The following MTHFD2L variants were observed in gnomAD, a reference collection of about 807,000 sequenced individuals.
The protein encoded by MTHFD2L is bifunctional methylenetetrahydrofolate dehydrogenase/cyclohydrolase 2, mitochondrial.
MTHFD2L carries 29 observed loss-of-function variants against 34.9 expected under a neutral mutation model. The observed-to-expected ratio is 0.83, with a 90% CI of 0.62 to 1.13. MTHFD2L has a LOEUF of 1.13. Ranked by LOEUF, MTHFD2L falls within the 50% of genes most tolerant of loss-of-function variation. The pLI is 0.00. For synonymous variants in MTHFD2L, 167 were observed against 155.7 expected, an observed-to-expected ratio of 1.07 and a Z score of -0.54; for missense variants, 481 against 446.5, an observed-to-expected ratio of 1.08 and a Z score of -0.70.
At chr4:74,144,331 T>C (rs1451748105) in intron 1 of MTHFD2L, among the ~76,000 whole-genome samples, 1 of 152,138 alleles carries the variant, frequency 6.6e-6, no homozygotes, top group Non-Finnish European at 1.5e-5. Context: ...CAGGCGCCTG[T>C]AGTCCCAGCT....
chr4:74,146,811 T>C (rs2109847292), intron 1 of MTHFD2L, among the ~76,000 whole-genome samples: 1 of 152,296 alleles, frequency 6.6e-6, no homozygotes, highest in Admixed American at 6.5e-5. Context: ...TTATATCTTA[T>C]AGGCAATCTT....
At chr4:74,178,008 A>G (rs1161670045) in intron 3 of MTHFD2L, among the ~76,000 whole-genome samples, 2 of 151,998 alleles carry the variant, frequency 1.3e-5, no homozygotes, top group African/African-American at 4.8e-5. Flanking sequence ...ACAAAAAGAA[A>G]AACCTGCATG....
At chr4:74,168,158 G>C (rs1432285402) in intron 1 of MTHFD2L, among the ~76,000 whole-genome samples, 1 of 152,118 alleles carries the variant, frequency 6.6e-6, no homozygotes. Flanking sequence ...TCTCTAAATG[G>C]CTTCGTGTCT....
intron 1 of MTHFD2L, among the ~76,000 whole-genome samples, chr4:74,167,881 T>C (rs1366181037): frequency 1.3e-5 from 2 of 152,146 alleles, no homozygotes; most frequent in Non-Finnish European, 2.9e-5. Flanking sequence ...AGGTCAGAAA[T>C]GTTAGAGTCA....
intron 7 of MTHFD2L, among the ~76,000 whole-genome samples, chr4:74,289,012 A>AT (rs1045148007): frequency 1.6e-4 from 24 of 152,140 alleles, no homozygotes; most frequent in Non-Finnish European, 3.5e-4. Context: ...AATTAGGTTC[A>AT]TTCATTTAGT....
intron 5 of MTHFD2L, among the ~76,000 whole-genome samples, chr4:74,203,313 C>G: frequency 6.6e-6 from 1 of 152,126 alleles, no homozygotes; most frequent in Non-Finnish European, 1.5e-5. Flanking sequence ...CTAGCTTAGT[C>G]TATTGCTGCT....
At chr4:74,295,630 A>T (rs1260230584) in intron 7 of MTHFD2L, among the ~76,000 whole-genome samples, 1 of 152,174 alleles carries the variant, frequency 6.6e-6, no homozygotes, top group Non-Finnish European at 1.5e-5. Context: ...AAATACTTTA[A>T]TCATTTCTTT....
At chr4:74,268,512 G>A (rs942552514) in intron 6 of MTHFD2L, among the ~76,000 whole-genome samples, 1 of 151,966 alleles carries the variant, frequency 6.6e-6, no homozygotes, top group African/African-American at 2.4e-5. Flanking sequence ...CTGTGAATGA[G>A]GATAATGGGT....
At chr4:74,130,634 T>C (rs889002960) in intron 1 of MTHFD2L, among the ~76,000 whole-genome samples, 2 of 152,308 alleles carry the variant, frequency 1.3e-5, no homozygotes, top group East Asian at 3.9e-4. Flanking sequence ...AATATCATAC[T>C]GATTGGGCAA....
intron 6 of MTHFD2L, among the ~76,000 whole-genome samples, chr4:74,236,904 G>GT (rs535617952): frequency 5.5e-4 from 83 of 151,274 alleles, no homozygotes; most frequent in South Asian, 3.6e-3. Context: ...CTCTTTTTAG[G>GT]TTTTTTTTTA....
intron 5 of MTHFD2L, among the ~76,000 whole-genome samples, chr4:74,218,363 C>G (rs1218532268): frequency 6.6e-6 from 1 of 152,044 alleles, no homozygotes; most frequent in Non-Finnish European, 1.5e-5. Context: ...CATTGCCAGT[C>G]TTACCGGGAA....
chr4:74,149,291 T>C (rs1434808196), intron 1 of MTHFD2L, among the ~76,000 whole-genome samples: 1 of 151,922 alleles, frequency 6.6e-6, no homozygotes, highest in Admixed American at 6.6e-5. Context: ...TTTCCTTTAT[T>C]TGAAATACCT....
chr4:74,241,983 G>C (rs963903278), intron 6 of MTHFD2L: 1 of 153,592 alleles, frequency 6.5e-6, no homozygotes, highest in African/African-American at 2.4e-5. Flanking sequence ...GGAGGGAACT[G>C]GGTGTGGCTG....
In MTHFD2L at chr4:74,175,542, A is replaced by G. The variant is rs1247243438; in HGVS notation, c.451+139A>G. On this transcript the variant is annotated intron_variant, in intron 3 of 7. Coordinates refer to ENST00000325278, the MANE Select transcript of MTHFD2L (RefSeq NM_001144978.3). The stretch of plus-strand genomic sequence containing the variant: ...TAGCTATTTTACTAGTAATAGGTGT[A>G]ATAGTGATTTCTGAATGATTTGTGC... 8.4e-6 allele frequency: 8 copies of G among 956,692 alleles called. No individual in the cohort carries two copies. The Admixed American group carries it at 2.0e-4, about 23-fold the overall frequency. The allele number at this position is 956,692 out of a possible 1,614,324, so 59.3% of individuals were successfully genotyped here.
chr4:74,165,901 A>G (rs879688600), intron 1 of MTHFD2L, among the ~76,000 whole-genome samples: 7 of 152,208 alleles, frequency 4.6e-5, no homozygotes, highest in Non-Finnish European at 1.0e-4. Context: ...CTTTTCTTTG[A>G]CAAATATTTA....
intron 1 of MTHFD2L, among the ~76,000 whole-genome samples, chr4:74,128,271 T>C (rs1722220158): frequency 6.6e-6 from 1 of 152,090 alleles, no homozygotes. Flanking sequence ...CAATTTTTGT[T>C]CTTATTGCCT....
At chr4:74,291,132 C>G (rs1172233575) in intron 7 of MTHFD2L, among the ~76,000 whole-genome samples, 1 of 147,394 alleles carries the variant, frequency 6.8e-6, no homozygotes, top group African/African-American at 2.5e-5. Context: ...ATTCTCCTGC[C>G]TCAGCCTTCT....
upstream of MTHFD2L, among the ~76,000 whole-genome samples, chr4:74,122,178 T>A (rs916945396): frequency 5.9e-5 from 9 of 152,174 alleles, no homozygotes; most frequent in African/African-American, 2.2e-4. Flanking sequence ...AGGGGTTGTA[T>A]TCCAAATTGT....
intron 6 of MTHFD2L, among the ~76,000 whole-genome samples, chr4:74,265,594 G>A (rs1432766805): frequency 6.6e-6 from 1 of 152,150 alleles, no homozygotes; most frequent in Non-Finnish European, 1.5e-5. Context: ...GGATTACATG[G>A]ACACTTGTCC....
Sources: gnomAD v4.1 joint callset for allele counts (sites outside exome capture counted in the v4.1 genomes callset) on GRCh38, gnomAD v4.1.1 for gene constraint, MANE v1.5 for transcripts, NCBI Gene and HGNC (gene_info 2026-07-23, HGNC 2026-07-21) for gene names.